FAM135A: variants seen among roughly 807,000 people sequenced by gnomAD.
The protein encoded by FAM135A is family with sequence similarity 135 member A, also known as protein FAM135A.
FAM135A carries 79 observed loss-of-function variants against 146.8 expected under a neutral mutation model. The ratio of observed to expected loss-of-function variants is 0.54; its 90% CI spans 0.45 to 0.65. FAM135A has a LOEUF of 0.65. Ranked by LOEUF, FAM135A falls within the 30% of genes least tolerant of loss-of-function variation. The pLI, the probability that FAM135A is intolerant of heterozygous loss-of-function variation, is 0.00. For synonymous variants in FAM135A, 562 were observed against 603.6 expected (o/e 0.93, Z 1.01); for missense variants, 1,623 against 1,758.2 (o/e 0.92, Z 1.38).
At chr6:70,551,272 A>T (rs756778780) in intron 20 of FAM135A, among the ~76,000 whole-genome samples, 1 of 152,152 alleles carries the variant, frequency 6.6e-6, no homozygotes, top group East Asian at 1.9e-4. Flanking sequence ...GGCTTTTGAT[A>T]TGCCTTCCTC....
At chr6:70,456,813 A>G (rs1159043926) in intron 5 of FAM135A, among the ~76,000 whole-genome samples, 1 of 152,196 alleles carries the variant, frequency 6.6e-6, no homozygotes, top group African/African-American at 2.4e-5. Flanking sequence ...TCAAAAATAA[A>G]TTGTGAAAAG....
chr6:70,471,566 T>C (rs2128138361), intron 5 of FAM135A, among the ~76,000 whole-genome samples: 1 of 148,136 alleles, frequency 6.8e-6, no homozygotes, highest in South Asian at 2.1e-4. Flanking sequence ...TGTTGGAGGA[T>C]AGGGGGTGGG....
At chr6:70,552,167 TAACA>T (rs898653144) in intron 20 of FAM135A, among the ~76,000 whole-genome samples, 6 of 152,202 alleles carry the variant, frequency 3.9e-5, no homozygotes, top group African/African-American at 2.4e-5. Flanking sequence ...TAAACAATAC[TAACA>T]AACATCTGGC....
At chr6:70,490,942 C>G in intron 10 of FAM135A, 92 bp from the exon 11 acceptor site, 1 of 830,090 alleles carries the variant, frequency 1.2e-6, no homozygotes, top group Non-Finnish European at 1.8e-6. Flanking sequence ...CAGTCCAGAT[C>G]ATTCTTAATT....
At chr6:70,521,789 TAC>T (rs1399023218) in intron 12 of FAM135A, among the ~76,000 whole-genome samples, 1 of 152,234 alleles carries the variant, frequency 6.6e-6, no homozygotes, top group Non-Finnish European at 1.5e-5. Context: ...AGGGTTAAAA[TAC>T]AAATATAATG....
chr6:70,544,172 C>T (rs1459252513), intron 20 of FAM135A, among the ~76,000 whole-genome samples: 8 of 151,972 alleles, frequency 5.3e-5, no homozygotes, highest in South Asian at 2.1e-4. Flanking sequence ...AAGCTAGGTG[C>T]GGTAGCTCAC....
chr6:70,430,838 A>G (rs1449552613), intron 4 of FAM135A, among the ~76,000 whole-genome samples: 5 of 152,194 alleles, frequency 3.3e-5, no homozygotes, highest in African/African-American at 1.2e-4. Flanking sequence ...GATTTCTTCT[A>G]GATTCTGCTT....
intron 5 of FAM135A, among the ~76,000 whole-genome samples, chr6:70,454,162 A>G (rs1031739562): frequency 1.3e-5 from 2 of 152,204 alleles, no homozygotes; most frequent in African/African-American, 4.8e-5. Context: ...ACCAGTGATG[A>G]TGAGCATTTT....
chr6:70,481,968 A>G, intron 9 of FAM135A, 33 bp from the exon 10 acceptor site: 2 of 1,574,568 alleles, frequency 1.3e-6, no homozygotes, highest in Non-Finnish European at 1.7e-6. Flanking sequence ...TGTATTACTG[A>G]CACTCTGTAT....
chr6:70,525,357 T>C lies in FAM135A; in HGVS notation c.2273T>C (p.Ile758Thr). The C allele has an allele frequency of 1.2e-6, 2 of 1,613,530 alleles. No homozygotes were observed. Among genetic ancestry groups the C allele is most frequent in the Non-Finnish European group, 1.7e-6 (2 of 1,179,654 alleles). The change falls in exon 15 of 22, where the codon ATT becomes ACT. Residue 758 changes from isoleucine (I) to threonine (T), a missense_variant. Ile to Thr is a moderately conservative substitution (Grantham distance 89, BLOSUM62 -1). Transcript: ENST00000418814. ...VSGDTIKLPD[I>T]SATYASSRFS... ...GGAGATACAATTAAGTTACCAGATA[T>C]TAGTGCCACATATGCCTCATCTAGA...
rs746307665 is a variant in FAM135A at position 70,517,415 on chromosome 6, CTT to C, written c.1030-5078_1030-5077del. 3.2e-3 allele frequency among the ~76,000 whole-genome samples: 409 copies of C among 127,052 alleles called. 2 individuals are homozygous for C. The highest frequency in any genetic ancestry group is 0.011 in the African/African-American group (365 of 33,338). The allele number at this position is 127,052 out of a possible 152,430, so 83.4% of individuals were successfully genotyped here. A position where few individuals can be genotyped will look rare whatever the true frequency, so the allele number is the denominator to read the frequency against. ...GCATGGTGGTGTGCACGTCTTTTTC[CTT>C]TTTTTTTTTTTTTTTTTTTAGATGG... is the stretch of plus-strand genomic sequence containing the variant. On this transcript the variant is annotated intron_variant, in intron 12 of 21. Transcript: ENST00000418814.
At chr6:70,431,349 C>CT (rs1222351840) in intron 4 of FAM135A, among the ~76,000 whole-genome samples, 1 of 152,186 alleles carries the variant, frequency 6.6e-6, no homozygotes, top group East Asian at 1.9e-4. Flanking sequence ...AATGCACAGT[C>CT]AGATGGCAGA....
chr6:70,557,138 A>AT, intron 21 of FAM135A: 1 of 522,116 alleles, frequency 1.9e-6, no homozygotes, highest in Non-Finnish European at 3.4e-6. Flanking sequence ...AATTAATGGG[A>AT]TTGACAATTG....
intron 5 of FAM135A, among the ~76,000 whole-genome samples, chr6:70,469,146 G>A (rs1781078524): frequency 6.6e-6 from 1 of 152,086 alleles, no homozygotes; most frequent in African/African-American, 2.4e-5. Flanking sequence ...CACTCCGTTA[G>A]GATGTAAGCT....
intron 21 of FAM135A, among the ~76,000 whole-genome samples, chr6:70,558,137 G>C (rs1801262787): frequency 1.3e-5 from 2 of 152,284 alleles, no homozygotes; most frequent in South Asian, 4.1e-4. Context: ...AAATAGCATG[G>C]AACCACAAAT....
At chr6:70,536,508 A>G in intron 19 of FAM135A, 97 bp downstream of exon 19, 1 of 988,046 alleles carries the variant, frequency 1.0e-6, no homozygotes, top group Non-Finnish European at 1.3e-6. Flanking sequence ...AGTTTGTCAC[A>G]TACTGGAAAT....
chr6:70,532,193 C>T (rs896142567), intron 16 of FAM135A, among the ~76,000 whole-genome samples: 2 of 151,956 alleles, frequency 1.3e-5, no homozygotes, highest in Non-Finnish European at 2.9e-5. Context: ...GATTTCTTAT[C>T]CTTCTTAGTG....
rs1365520579 is a variant in FAM135A, at chr6:70,452,591, C to A, written c.157+20C>A. On this transcript the variant is annotated intron_variant, in intron 5 of 21. Transcript: ENST00000418814. Reference sequence around the variant, plus strand: ...CAACAGGTAAGCCAAAGAATACATTCAAATTTAAAAAGTAATCTGAATGGT... The same window carrying A: ...CAACAGGTAAGCCAAAGAATACATTAAAATTTAAAAAGTAATCTGAATGGT... The A allele has an allele frequency of 2.6e-6, 4 of 1,531,770 alleles. No homozygotes were observed. The highest frequency in any genetic ancestry group is 2.6e-5 in the South Asian group (2 of 77,240). 94.9% of individuals were successfully genotyped at this position (1,531,770 alleles called of 1,614,324 possible). A position where few individuals can be genotyped will look rare whatever the true frequency, so the allele number is the denominator to read the frequency against.
rs574003590 is a variant in FAM135A, at chr6:70,492,404, A to G, written c.873+1321A>G. Among the ~76,000 whole-genome samples the G allele has an allele frequency of 3.3e-5, 5 of 151,906 alleles. No individual in the cohort carries two copies. In the East Asian group the frequency reaches 7.7e-4, roughly 23 times the overall value. On this transcript the variant is annotated intron_variant, in intron 11 of 21. Transcript: ENST00000418814. ...TTACATATATATGTAAATATAAACA[A>G]TCTGATCTTGGGATATGAAATGACT...
Sources: gnomAD v4.1 joint callset for allele counts (sites outside exome capture counted in the v4.1 genomes callset) on GRCh38, gnomAD v4.1.1 for gene constraint, MANE v1.5 for transcripts, NCBI Gene and HGNC (gene_info 2026-07-23, HGNC 2026-07-21) for gene names.